Variants in RIMS1 observed in about 807,000 individuals in gnomAD.
RIMS1 encodes the protein regulating synaptic membrane exocytosis 1.
RIMS1 carries 83 observed loss-of-function variants against 214.1 expected under a neutral mutation model. The ratio of observed to expected loss-of-function variants is 0.39; its 90% confidence interval spans 0.32 to 0.47. RIMS1 has a LOEUF of 0.47. Ranked by LOEUF, RIMS1 falls within the 20% of genes least tolerant of loss-of-function variation. The pLI, the probability that RIMS1 is intolerant of heterozygous loss-of-function variation, is 0.99. For synonymous variants in RIMS1, 793 were observed against 786.8 expected (o/e 1.01, Z -0.13); for missense variants, 2,050 against 2,161.8 (o/e 0.95, Z 1.03).
At position 72,265,391 on chromosome 6, in the gene RIMS1, T is replaced by G; in HGVS notation, c.3196T>G (p.Ser1066Ala). 5 of 1,532,144 alleles carry G rather than the reference T, an allele frequency of 3.3e-6. No homozygotes were observed. The highest frequency in any genetic ancestry group is 4.5e-6 in the Non-Finnish European group (5 of 1,116,548). The allele number at this position is 1,532,144 out of a possible 1,614,324, so 94.9% of individuals were successfully genotyped here. The change falls in exon 21 of 34, where the codon TCA becomes GCA. Residue 1066 changes from serine (S) to alanine (A), a missense_variant and splice_region_variant. By Grantham distance (99) the Ser-to-Ala change is moderately conservative. Around this residue, in one of 6 missense-constraint regions of RIMS1, gnomAD observed 889 missense variants for 885.5 expected, o/e 1.00. Coordinates refer to ENST00000521978, the MANE Select transcript of RIMS1 (RefSeq NM_014989.7). The part of the protein sequence containing the change: ...QSSSHWNIYS[S>A]ILPAHTKTKS... Reference sequence around the variant, plus strand: ...TTTGTGTAATTTTAATTTGTGGAGCTCAATTCTGCCTGCACATACTAAGAC... The same window carrying G: ...TTTGTGTAATTTTAATTTGTGGAGCGCAATTCTGCCTGCACATACTAAGAC...
At chr6:72,006,879 G>C (rs1195225044) in intron 2 of RIMS1, among the ~76,000 whole-genome samples, 1 of 152,220 alleles carries the variant, frequency 6.6e-6, no homozygotes, top group African/African-American at 2.4e-5. Context: ...GCCTGCCTTT[G>C]TAGACTCCAC....
intron 11 of RIMS1, among the ~76,000 whole-genome samples, chr6:72,247,440 CAGA>C (rs2070608452): frequency 6.7e-6 from 1 of 148,620 alleles, no homozygotes; most frequent in Admixed American, 6.9e-5. Flanking sequence ...GAGGCTGAGG[CAGA>C]AGAATTGCTT....
chr6:72,023,471 T>C (rs1455459595), intron 2 of RIMS1, among the ~76,000 whole-genome samples: 1 of 152,068 alleles, frequency 6.6e-6, no homozygotes, highest in Non-Finnish European at 1.5e-5. Context: ...TCTCAAGAAA[T>C]CTAGATTTAC....
intron 4 of RIMS1, among the ~76,000 whole-genome samples, chr6:72,164,467 C>T (rs991407955): frequency 2.0e-5 from 3 of 152,174 alleles, no homozygotes; most frequent in East Asian, 1.9e-4. Context: ...AGAAATCACC[C>T]GTCTTCTGCA....
intron 6 of RIMS1, among the ~76,000 whole-genome samples, chr6:72,197,936 A>T (rs557176403): frequency 6.6e-6 from 1 of 152,246 alleles, no homozygotes; most frequent in East Asian, 1.9e-4. Flanking sequence ...AGGTTAAAAA[A>T]TAAACCAGGT....
intron 1 of RIMS1, among the ~76,000 whole-genome samples, chr6:71,962,374 T>A (rs1204934362): frequency 6.6e-6 from 1 of 152,164 alleles, no homozygotes; most frequent in Admixed American, 6.6e-5. Flanking sequence ...CATCACTCAC[T>A]GTTAAAAATG....
At chr6:72,242,613 G>A (rs1371817906) in intron 10 of RIMS1, among the ~76,000 whole-genome samples, 176 bp downstream of exon 10, 1 of 151,800 alleles carries the variant, frequency 6.6e-6, no homozygotes, top group Non-Finnish European at 1.5e-5. Context: ...GGAATACTGA[G>A]TTTACTTCAC....
At chr6:72,017,709 A>G (rs1427696658) in intron 2 of RIMS1, among the ~76,000 whole-genome samples, 1 of 152,226 alleles carries the variant, frequency 6.6e-6, no homozygotes, top group Non-Finnish European at 1.5e-5. Context: ...TTTCAAAAAT[A>G]CTTAAGGAGA....
intron 1 of RIMS1, among the ~76,000 whole-genome samples, chr6:71,962,534 A>G (rs759886011): frequency 6.6e-6 from 1 of 152,190 alleles, no homozygotes; most frequent in African/African-American, 2.4e-5. Flanking sequence ...TGATTAGTAC[A>G]TCTGGCTTTT....
chr6:72,365,203 G>A (rs2154393828), intron 29 of RIMS1, among the ~76,000 whole-genome samples: 1 of 152,342 alleles, frequency 6.6e-6, no homozygotes, highest in South Asian at 2.1e-4. Flanking sequence ...TGCAGTATGT[G>A]CTTGAGGAAG....
intron 7 of RIMS1, 80 bp downstream of exon 7, chr6:72,233,920 T>A: frequency 1.1e-6 from 1 of 879,990 alleles, no homozygotes; most frequent in Non-Finnish European, 1.8e-6. Context: ...ATGTGATATC[T>A]GCTCTATTAT....
chr6:72,258,224 A>G lies in RIMS1; in HGVS notation c.2870A>G (p.His957Arg), dbSNP rs780751006. 3 of 1,613,462 alleles carry G rather than the reference A, an allele frequency of 1.9e-6. No individual in the cohort carries two copies. The highest frequency in any genetic ancestry group is 1.3e-5 in the African/African-American group (1 of 75,034). ...CACCGCTCACGTTCAGTATCTCCTCATCGCGGCAATGATCAGGGAAAGCCG... is the reference window on the plus strand; with the variant it reads ...CACCGCTCACGTTCAGTATCTCCTCGTCGCGGCAATGATCAGGGAAAGCCG... ...THHRSRSVSP[H>R]RGNDQGKPRS... Residue 957 changes from histidine to arginine, a missense_variant, in exon 17 of 34, where the codon CAT (histidine) becomes CGT (arginine). Physicochemically the swap from His to Arg is conservative, Grantham distance 29 (BLOSUM62 0). Transcript: ENST00000521978.
intron 4 of RIMS1, among the ~76,000 whole-genome samples, chr6:72,107,420 G>A (rs766065762): frequency 6.6e-6 from 1 of 152,126 alleles, no homozygotes; most frequent in Admixed American, 6.5e-5. Context: ...AATTAACCAG[G>A]CGTGGTGGCA....
chr6:72,039,950 T>A (rs1820969831), intron 2 of RIMS1, among the ~76,000 whole-genome samples: 1 of 151,744 alleles, frequency 6.6e-6, no homozygotes, highest in Admixed American at 6.6e-5. Flanking sequence ...ATTACAATAT[T>A]TGTCTTAACA....
At chr6:72,242,695 A>G (rs1391160313) in intron 10 of RIMS1, among the ~76,000 whole-genome samples, 3 of 151,994 alleles carry the variant, frequency 2.0e-5, no homozygotes, top group African/African-American at 4.8e-5. Context: ...TTGCAAGTGA[A>G]ATATAAAGTA....
chr6:72,102,836 T>C (rs1229894533), intron 4 of RIMS1, among the ~76,000 whole-genome samples: 1 of 152,140 alleles, frequency 6.6e-6, no homozygotes, highest in African/African-American at 2.4e-5. Flanking sequence ...TTAAAATGAT[T>C]TGCATGATTG....
At chr6:72,111,916 G>A (rs574545911) in intron 4 of RIMS1, among the ~76,000 whole-genome samples, 1 of 152,222 alleles carries the variant, frequency 6.6e-6, no homozygotes, top group East Asian at 1.9e-4. Flanking sequence ...GAACTTCCAA[G>A]TATCTATAAC....
intron 1 of RIMS1, among the ~76,000 whole-genome samples, chr6:71,960,763 A>C (rs1340597749): frequency 1.3e-5 from 2 of 152,136 alleles, no homozygotes. Context: ...GTTTACCTAA[A>C]TATTCAAGTA....
At chr6:72,082,703 A>G (rs1833710239) in intron 2 of RIMS1, among the ~76,000 whole-genome samples, 1 of 152,160 alleles carries the variant, frequency 6.6e-6, no homozygotes, top group Admixed American at 6.5e-5. Flanking sequence ...TCTTCATTAT[A>G]CCCTCACTAG....
Sources: gnomAD v4.1 joint callset for allele counts (sites outside exome capture counted in the v4.1 genomes callset) on GRCh38, gnomAD v4.1.1 for gene constraint, gnomAD v4.1.1 regional missense constraint, MANE v1.5 for transcripts, NCBI Gene and HGNC (gene_info 2026-07-23, HGNC 2026-07-21) for gene names.